The following DAB1 variants were observed in gnomAD, a reference collection of about 807,000 sequenced individuals.
DAB1 encodes disabled homolog 1.
Under a neutral mutation model 64.6 loss-of-function variants are expected in DAB1, and 15 were observed. That is an observed-to-expected ratio of 0.23 (90% CI 0.16 to 0.36). DAB1 has a LOEUF of 0.36. Among genes scored for constraint, DAB1 ranks in the 10% least tolerant of loss-of-function variants. The pLI is 1.00. For synonymous variants in DAB1, 235 were observed against 251.9 expected, an observed-to-expected ratio of 0.93 and a Z score of 0.64; for missense variants, 596 against 706.7, an observed-to-expected ratio of 0.84 and a Z score of 1.78.
intron 7 of DAB1, among the ~76,000 whole-genome samples, chr1:57,566,826 C>T (rs1366214784): frequency 6.6e-6 from 1 of 152,160 alleles, no homozygotes; most frequent in Non-Finnish European, 1.5e-5. Flanking sequence ...GACGAATTCA[C>T]AGCCGAATTC....
At chr1:57,251,652 G>A (rs1480080609) in intron 2 of DAB1, among the ~76,000 whole-genome samples, 1 of 151,996 alleles carries the variant, frequency 6.6e-6, no homozygotes, top group Non-Finnish European at 1.5e-5. Context: ...ACTTTTATCA[G>A]CTCAGTTTCA....
At chr1:58,224,724 T>C (rs1659367368) in intron 4 of DAB1, among the ~76,000 whole-genome samples, 1 of 152,134 alleles carries the variant, frequency 6.6e-6, no homozygotes, top group African/African-American at 2.4e-5. Flanking sequence ...GGCTCCCTAT[T>C]TAATAAATGG....
intron 4 of DAB1, among the ~76,000 whole-genome samples, chr1:58,225,910 T>C (rs1207328327): frequency 1.3e-5 from 2 of 148,228 alleles, no homozygotes; most frequent in Non-Finnish European, 3.0e-5. Flanking sequence ...TGTATACATA[T>C]GTAACTAACC....
chr1:57,527,570 C>T lies in DAB1; in HGVS notation n.625+122022G>A, dbSNP rs1305530488. On this transcript the variant is annotated intron_variant and non_coding_transcript_variant, in intron 7 of 20. Transcript: ENST00000485760. ...CTCTTTCTACTGAAGCACTCTGCCT[C>T]CTACTACATGCATTGATATCCAGAT... Among the ~76,000 whole-genome samples, 3 of 152,218 alleles carry T rather than the reference C, an allele frequency of 2.0e-5. 1 individual carries two copies. In the East Asian group the frequency reaches 5.8e-4, roughly 29 times the overall value.
chr1:57,875,136 G>A (rs1433604266), intron 1 of DAB1: 2 of 152,146 alleles, frequency 1.3e-5, no homozygotes, highest in Non-Finnish European at 2.9e-5. Flanking sequence ...GTGTGGTTAT[G>A]CCTGCTCTCT....
intron 7 of DAB1, among the ~76,000 whole-genome samples, chr1:57,450,784 C>A (rs1211087932): frequency 6.6e-6 from 1 of 152,214 alleles, no homozygotes; most frequent in Non-Finnish European, 1.5e-5. Context: ...TGAACTTCAA[C>A]TTACTTAAAG....
chr1:57,380,725 C>T (rs777542434), intron 1 of DAB1, among the ~76,000 whole-genome samples: 14 of 152,136 alleles, frequency 9.2e-5, no homozygotes, highest in Admixed American at 5.2e-4. Context: ...GTAACTAAGA[C>T]GTGGGTTTGT....
chr1:58,007,491 T>A (rs1646602762), intron 5 of DAB1, among the ~76,000 whole-genome samples: 1 of 152,224 alleles, frequency 6.6e-6, no homozygotes, highest in African/African-American at 2.4e-5. Context: ...ATAGAATTTG[T>A]TTAAGTTCAC....
intron 5 of DAB1, among the ~76,000 whole-genome samples, chr1:57,949,167 G>C (rs1484013440): frequency 1.3e-5 from 2 of 152,104 alleles, no homozygotes; most frequent in Admixed American, 1.3e-4. Context: ...TTTCCATGGG[G>C]GGGGCTGGGG....
At chr1:58,373,892 C>T (rs1557742711) in intron 3 of DAB1, among the ~76,000 whole-genome samples, 1 of 150,540 alleles carries the variant, frequency 6.6e-6, no homozygotes, top group African/African-American at 2.4e-5. Context: ...GAGATGATAT[C>T]TCATAGTGGT....
At chr1:57,470,856 T>C (rs1419178806) in intron 7 of DAB1, among the ~76,000 whole-genome samples, 4 of 152,214 alleles carry the variant, frequency 2.6e-5, no homozygotes, top group Non-Finnish European at 4.4e-5. Flanking sequence ...AGTCCAGATA[T>C]TTCTCCCAAC....
chr1:58,526,669 T>C (rs1476050007), intron 2 of DAB1, among the ~76,000 whole-genome samples: 2 of 151,288 alleles, frequency 1.3e-5, no homozygotes, highest in Non-Finnish European at 2.9e-5. Context: ...CTACTGTTTA[T>C]TTAAATGGTA....
intron 4 of DAB1, among the ~76,000 whole-genome samples, chr1:58,247,604 G>C (rs918041825): frequency 2.6e-5 from 4 of 152,146 alleles, no homozygotes; most frequent in Non-Finnish European, 5.9e-5. Flanking sequence ...CTAAGTCCAG[G>C]CTGCAAGTCT....
intron 6 of DAB1, among the ~76,000 whole-genome samples, chr1:57,667,358 C>A (rs920211185): frequency 1.3e-5 from 2 of 152,132 alleles, no homozygotes; most frequent in African/African-American, 4.8e-5. Flanking sequence ...TTGACAGACA[C>A]AGTAGCCCTG....
At chr1:57,568,984 C>T (rs542710948) in intron 7 of DAB1, among the ~76,000 whole-genome samples, 14 of 152,090 alleles carry the variant, frequency 9.2e-5, no homozygotes, top group East Asian at 7.8e-4. Flanking sequence ...CACGGCCGGG[C>T]GCGGTGGCTC....
intron 5 of DAB1, among the ~76,000 whole-genome samples, chr1:57,985,284 A>G (rs1646186654): frequency 6.6e-6 from 1 of 152,066 alleles, no homozygotes; most frequent in African/African-American, 2.4e-5. Context: ...TCATATTACA[A>G]TTTTTCTATG....
At chr1:58,277,701 A>G (rs1206181210) in intron 4 of DAB1, among the ~76,000 whole-genome samples, 1 of 152,250 alleles carries the variant, frequency 6.6e-6, no homozygotes, top group South Asian at 2.1e-4. Context: ...TATAATTTAT[A>G]ATAAAGTAAA....
intron 5 of DAB1, chr1:58,060,377 G>A (rs2100549129): frequency 6.6e-6 from 1 of 152,358 alleles, no homozygotes; most frequent in African/African-American, 2.4e-5. Flanking sequence ...CTCTGCTGTG[G>A]ATAAAAGAGC....
At chr1:58,396,805 G>A (rs1017261726) in intron 3 of DAB1, among the ~76,000 whole-genome samples, 18 of 152,158 alleles carry the variant, frequency 1.2e-4, no homozygotes, top group Non-Finnish European at 2.4e-4. Context: ...GCTCACGCCT[G>A]TAATCCCAGC....
Sources: gnomAD v4.1 joint callset for allele counts (sites outside exome capture counted in the v4.1 genomes callset) on GRCh38, gnomAD v4.1.1 for gene constraint, MANE v1.5 for transcripts, NCBI Gene and HGNC (gene_info 2026-07-23, HGNC 2026-07-21) for gene names.